SORCS2: variants seen among roughly 807,000 people sequenced by gnomAD.
SORCS2 encodes the protein VPS10 domain-containing receptor SorCS2.
In SORCS2, 100 loss-of-function variants were observed where a neutral mutation model predicts 141.6. That is an observed-to-expected ratio of 0.71 (90% confidence interval 0.60 to 0.83). The LOEUF (loss-of-function observed/expected upper bound fraction) is 0.83. Ranked by LOEUF, SORCS2 falls within the 40% of genes least tolerant of loss-of-function variation. The pLI, the probability that SORCS2 is intolerant of heterozygous loss-of-function variation, is 0.00. For synonymous variants in SORCS2, 789 were observed against 676.9 expected (o/e 1.17, Z -2.57); for missense variants, 1,646 against 1,560.2 (o/e 1.05, Z -0.93).
At chr4:7,433,283 C>G (rs78599329) in intron 2 of SORCS2, 30,406 of 1,357,088 alleles carry the variant, frequency 0.022, 405 homozygotes, top group Non-Finnish European at 0.026. Context: ...ATGGGCCTCG[C>G]TAGCAGGCTC....
intron 1 of SORCS2, among the ~76,000 whole-genome samples, chr4:7,326,091 C>T (rs1408332309): frequency 6.6e-6 from 1 of 152,040 alleles, no homozygotes; most frequent in Admixed American, 6.5e-5. Flanking sequence ...TCAGCATTTA[C>T]AGAGGCTCAG....
intron 2 of SORCS2, among the ~76,000 whole-genome samples, chr4:7,438,292 G>A (rs112241879): frequency 6.6e-6 from 1 of 152,352 alleles, no homozygotes; most frequent in African/African-American, 2.4e-5. Context: ...CCTCTGTGCA[G>A]GTCTGACTGG....
intron 3 of SORCS2, among the ~76,000 whole-genome samples, chr4:7,595,127 G>A (rs933592992): frequency 3.9e-5 from 6 of 152,200 alleles, no homozygotes; most frequent in Non-Finnish European, 7.4e-5. Context: ...GGGGTTTCAC[G>A]GCCTCCTCCT....
intron 3 of SORCS2, among the ~76,000 whole-genome samples, chr4:7,637,336 G>A (rs1365807038): frequency 6.6e-6 from 1 of 152,152 alleles, no homozygotes; most frequent in African/African-American, 2.4e-5. Context: ...GTTCCCTGGG[G>A]ACCCCCGGCT....
intron 23 of SORCS2, 41 bp downstream of exon 23, chr4:7,729,753 C>T: frequency 3.2e-6 from 5 of 1,586,738 alleles, no homozygotes; most frequent in Non-Finnish European, 4.3e-6. Context: ...CCTCCCTGCA[C>T]ATCCCAGGGC....
intron 2 of SORCS2, among the ~76,000 whole-genome samples, chr4:7,447,584 G>A (rs1222619759): frequency 1.3e-5 from 2 of 151,788 alleles, no homozygotes; most frequent in Admixed American, 1.3e-4. Flanking sequence ...CTGTTTTGCA[G>A]GGAGAGATAG....
intron 1 of SORCS2, among the ~76,000 whole-genome samples, chr4:7,196,045 C>T (rs1290120156): frequency 6.6e-6 from 1 of 152,202 alleles, no homozygotes; most frequent in Non-Finnish European, 1.5e-5. Context: ...GATTTAAGCC[C>T]TCATTGCTAC....
intron 2 of SORCS2, among the ~76,000 whole-genome samples, chr4:7,412,918 G>C (rs1725412429): frequency 6.6e-6 from 1 of 152,100 alleles, no homozygotes. Flanking sequence ...TCTAGGGTCT[G>C]GGTTTTTGTG....
rs77015943 is a variant in SORCS2, at chr4:7,550,124, A to G, written c.648+18495A>G. On this transcript the variant is annotated intron_variant, in intron 3 of 26. Coordinates refer to ENST00000507866, the MANE Select transcript of SORCS2 (RefSeq NM_020777.3). The stretch of plus-strand genomic sequence containing the variant: ...TTTTTTTTTCCGTGTGTGTGTGTGT[A>G]TGTGTGTATGTGTGTGTGTGTGTGT... 2.4e-4 allele frequency among the ~76,000 whole-genome samples: 17 copies of G among 70,224 alleles called. No individual in the cohort carries two copies. The East Asian group carries it at 7.1e-3, about 29-fold the overall frequency. The allele number at this position is 70,224 out of a possible 152,430, so 46.1% of individuals were successfully genotyped here. A position where few individuals can be genotyped will look rare whatever the true frequency, so the allele number is the denominator to read the frequency against.
At chr4:7,639,655 G>A (rs1312706660) in intron 4 of SORCS2, among the ~76,000 whole-genome samples, 1 of 151,162 alleles carries the variant, frequency 6.6e-6, no homozygotes, top group Non-Finnish European at 1.5e-5. Context: ...ATATGAATGT[G>A]AGTGTGTGCA....
At chr4:7,366,480 C>T (rs1417225104) in intron 1 of SORCS2, among the ~76,000 whole-genome samples, 1 of 117,716 alleles carries the variant, frequency 8.5e-6, no homozygotes, top group Non-Finnish European at 1.9e-5. Context: ...CCCCTCCCCC[C>T]CTCTCTCCCC....
rs1464190798 is a variant in SORCS2 at position 7,286,205 on chromosome 4, C to T, written c.480+93079C>T. Among the ~76,000 whole-genome samples the T allele has an allele frequency of 6.6e-6, 1 of 152,216 alleles. No homozygotes were observed. Among genetic ancestry groups the T allele is most frequent in the African/African-American group, 2.4e-5 (1 of 41,454 alleles). ...CTGTGCCGGTCCTCACTGCACGACT[C>T]GGACCCTGAGTCTCCTCGCGTGGGA... On this transcript the variant is annotated intron_variant, in intron 1 of 26. Coordinates refer to ENST00000507866, the MANE Select transcript of SORCS2 (RefSeq NM_020777.3). This position sits in a 1 kb window ranked among gnomAD's most constrained non-coding sequence, Gnocchi z 4.1.
intron 3 of SORCS2, among the ~76,000 whole-genome samples, chr4:7,575,434 A>C (rs1380926426): frequency 3.3e-5 from 5 of 152,186 alleles, no homozygotes; most frequent in Non-Finnish European, 7.3e-5. Flanking sequence ...ATTTAGCTGC[A>C]TCTATATGTA....
At position 7,314,323 on chromosome 4, in the gene SORCS2, C is replaced by CTTTTTTT. The variant is rs34546794; in HGVS notation, c.481-81963_481-81957dup. Among the ~76,000 whole-genome samples, 2 of 92,802 alleles carry CTTTTTTT rather than the reference C, an allele frequency of 2.2e-5. 1 individual carries two copies. The highest frequency in any genetic ancestry group is 7.4e-5 in the African/African-American group (2 of 26,888). 60.9% of individuals were successfully genotyped at this position (92,802 alleles called of 152,430 possible). On this transcript the variant is annotated intron_variant, in intron 1 of 26. Transcript: ENST00000507866. ...CCAGAGTTCCTAAGAAAATCATGGC[C>CTTTTTTT]TTTTTTTTATTTTTTTTATTTTTTT...
chr4:7,498,049 C>T (rs1292294305), intron 2 of SORCS2, among the ~76,000 whole-genome samples: 2 of 152,242 alleles, frequency 1.3e-5, no homozygotes, highest in East Asian at 1.9e-4. Flanking sequence ...ACCAGGCCTC[C>T]GTTTCGGGAC....
chr4:7,610,495 G>C (rs1560424545), intron 3 of SORCS2, among the ~76,000 whole-genome samples: 1 of 152,154 alleles, frequency 6.6e-6, no homozygotes, highest in Non-Finnish European at 1.5e-5. Flanking sequence ...CATTGGCAGA[G>C]TCAACACCGG....
intron 1 of SORCS2, among the ~76,000 whole-genome samples, chr4:7,238,681 G>A (rs1289476116): frequency 6.6e-6 from 1 of 152,208 alleles, no homozygotes; most frequent in East Asian, 1.9e-4. Flanking sequence ...GTGATTAGGA[G>A]CGTGAGCTGC....
intron 1 of SORCS2, among the ~76,000 whole-genome samples, chr4:7,379,831 G>A (rs1192297317): frequency 6.6e-6 from 1 of 152,226 alleles, no homozygotes; most frequent in Non-Finnish European, 1.5e-5. Context: ...AAAACACGCT[G>A]AAGGCAGCTG....
chr4:7,250,718 G>A (rs1393409330), intron 1 of SORCS2, among the ~76,000 whole-genome samples: 2 of 152,264 alleles, frequency 1.3e-5, no homozygotes, highest in African/African-American at 2.4e-5. Flanking sequence ...AGGCGAGGCC[G>A]AGGAACAGCT....
Sources: gnomAD v4.1 joint callset for allele counts (sites outside exome capture counted in the v4.1 genomes callset) on GRCh38, gnomAD v4.1.1 for gene constraint, Gnocchi (gnomAD v3.1) non-coding constraint, MANE v1.5 for transcripts, NCBI Gene and HGNC (gene_info 2026-07-23, HGNC 2026-07-21) for gene names.